PARG: variants seen among roughly 807,000 people sequenced by gnomAD.
The protein encoded by PARG is mitochondrial poly(ADP-ribose) glycohydrolase.
Under a neutral mutation model 113.0 loss-of-function variants are expected in PARG, and 35 were observed. The observed-to-expected ratio is 0.31, with a 90% CI of 0.24 to 0.41. PARG has a LOEUF of 0.41. Ranked by LOEUF, PARG falls within the 10% of genes least tolerant of loss-of-function variation. PARG has a pLI of 1.00. For missense variants in PARG, 797 were observed against 1,169.4 expected (o/e 0.68, Z 4.64); for synonymous variants, 330 against 409.9 (o/e 0.81, Z 2.36).
At chr10:49,914,305 G>A (rs1837348742) in intron 7 of PARG, among the ~76,000 whole-genome samples, 1 of 152,286 alleles carries the variant, frequency 6.6e-6, no homozygotes, top group South Asian at 2.1e-4. Flanking sequence ...TAAGTGACAA[G>A]GATAACGATT....
At chr10:49,868,037 G>C (rs1161176749) in intron 10 of PARG, among the ~76,000 whole-genome samples, 1 of 152,118 alleles carries the variant, frequency 6.6e-6, no homozygotes, top group Non-Finnish European at 1.5e-5. Context: ...GCCCAGGCTA[G>C]AGTGCAGTGG....
intron 13 of PARG, among the ~76,000 whole-genome samples, chr10:49,843,932 G>A (rs1353645645): frequency 6.6e-6 from 1 of 151,684 alleles, no homozygotes; most frequent in African/African-American, 2.4e-5. Context: ...ATTACCTAAA[G>A]TCAGAAGTTC....
At chr10:49,932,919 C>G (rs1453862869) in intron 3 of PARG, among the ~76,000 whole-genome samples, 2 of 151,710 alleles carry the variant, frequency 1.3e-5, no homozygotes, top group Admixed American at 1.3e-4. Flanking sequence ...TTTTCATGTT[C>G]TAGCAATTCC....
chr10:49,822,823 C>T lies in PARG; in HGVS notation c.2648-2530G>A, dbSNP rs746508208. Among the ~76,000 whole-genome samples the T allele has an allele frequency of 4.6e-5, 7 of 152,260 alleles. No individual in the cohort carries two copies. In the East Asian group the frequency reaches 5.8e-4, roughly 13 times the overall value. ...CAGTGTCACTGATGCAGCATTCTGA[C>T]AGAGAATGCATAACCTCAACCTCAT... On this transcript the variant is annotated intron_variant, in intron 16 of 17. Coordinates refer to ENST00000616448, the MANE Select transcript of PARG (RefSeq NM_003631.5).
At chr10:49,906,759 A>C (rs1848611082) in intron 7 of PARG, among the ~76,000 whole-genome samples, 2 of 152,190 alleles carry the variant, frequency 1.3e-5, no homozygotes, top group South Asian at 4.1e-4. Flanking sequence ...AAGATAACCA[A>C]ATAAGATGAT....
chr10:49,834,352 C>G (rs1239684874), intron 15 of PARG, among the ~76,000 whole-genome samples: 4 of 152,168 alleles, frequency 2.6e-5, no homozygotes, highest in African/African-American at 9.6e-5. Context: ...GTTCATTTCT[C>G]TGTTTTATAC....
intron 2 of PARG, 119 bp from the exon 3 acceptor site, chr10:49,934,282 T>C (rs1838636892): frequency 1.6e-6 from 1 of 624,866 alleles, no homozygotes. Context: ...GCACACAGCA[T>C]GTCTTCTATG....
At position 49,838,321 on chromosome 10, in the gene PARG, C is replaced by A. The variant is rs1276944834; in HGVS notation, c.2541+3629G>T. 4.7e-5 allele frequency among the ~76,000 whole-genome samples: 7 copies of A among 150,376 alleles called. No individual in the cohort carries two copies. In the Admixed American group the frequency reaches 4.7e-4, roughly 10 times the overall value. On this transcript the variant is annotated intron_variant, in intron 15 of 17. Coordinates refer to ENST00000616448, the MANE Select transcript of PARG (RefSeq NM_003631.5). ...TGGTGCATGCCTGTAATCCCAGCTA[C>A]TCAGGAGGCTGAGGCAGGAGAATCG... is the stretch of plus-strand genomic sequence containing the variant.
At chr10:49,931,668 G>A (rs1324936532) in intron 4 of PARG, among the ~76,000 whole-genome samples, 2 of 123,806 alleles carry the variant, frequency 1.6e-5, no homozygotes, top group East Asian at 5.5e-4. Flanking sequence ...ACTGATTTGA[G>A]TAATAAGAAA....
intron 13 of PARG, among the ~76,000 whole-genome samples, chr10:49,850,922 C>G (rs1554834126): frequency 1.3e-5 from 2 of 151,672 alleles, no homozygotes; most frequent in African/African-American, 4.8e-5. Flanking sequence ...AAGTGAATGC[C>G]CTTAACTTGT....
chr10:49,859,530 G>A (rs1846155458), intron 12 of PARG, among the ~76,000 whole-genome samples: 1 of 152,178 alleles, frequency 6.6e-6, no homozygotes, highest in South Asian at 2.1e-4. Flanking sequence ...AGAACTAAGA[G>A]ACTGGCTGAG....
intron 6 of PARG, among the ~76,000 whole-genome samples, chr10:49,920,647 T>A (rs1249649388): frequency 4.7e-5 from 7 of 147,468 alleles, no homozygotes; most frequent in African/African-American, 1.5e-4. Context: ...TATACACATA[T>A]ACGTATATAT....
In PARG at chr10:49,940,208, G is replaced by A. The variant is rs1179098319; in HGVS notation, c.217+1301C>T. Among the ~76,000 whole-genome samples, 560 of 150,114 alleles carry A rather than the reference G, an allele frequency of 3.7e-3. 6 individuals are homozygous for A. The highest frequency in any genetic ancestry group is 0.013 in the African/African-American group (540 of 40,694). On this transcript the variant is annotated intron_variant, in intron 1 of 17. Transcript: ENST00000616448. Reference sequence around the variant, plus strand: ...CCCTATTGCCAGCATCCAGGCCTAAGCTACAATTATTTCCAACCTAGATTA... The same window carrying A: ...CCCTATTGCCAGCATCCAGGCCTAAACTACAATTATTTCCAACCTAGATTA...
At chr10:49,895,502 C>T (rs1456751249) in intron 7 of PARG, among the ~76,000 whole-genome samples, 3 of 151,814 alleles carry the variant, frequency 2.0e-5, no homozygotes, top group African/African-American at 7.3e-5. Context: ...CTCCTGGGTT[C>T]AAGCAATTCT....
intron 7 of PARG, among the ~76,000 whole-genome samples, chr10:49,913,760 G>A (rs1449453086): frequency 6.6e-4 from 101 of 152,180 alleles, no homozygotes; most frequent in Non-Finnish European, 1.1e-3. Context: ...AAAATTAGCC[G>A]GGCAACGTGG....
At chr10:49,881,764 A>G (rs1345777456) in intron 8 of PARG, among the ~76,000 whole-genome samples, 1 of 152,262 alleles carries the variant, frequency 6.6e-6, no homozygotes, top group Non-Finnish European at 1.5e-5. Flanking sequence ...TCTCTTGGAA[A>G]AATTCAAAGG....
chr10:49,860,120 T>C (rs1554835682), intron 12 of PARG, among the ~76,000 whole-genome samples: 1 of 152,208 alleles, frequency 6.6e-6, no homozygotes, highest in African/African-American at 2.4e-5. Context: ...CCCGATCTCC[T>C]GCGGAGACAT....
chr10:49,859,162 C>A (rs1196665821), intron 12 of PARG, among the ~76,000 whole-genome samples: 2 of 146,300 alleles, frequency 1.4e-5, no homozygotes, highest in Admixed American at 1.4e-4. Flanking sequence ...AAAAAAAAAA[C>A]AAATGTAAAT....
intron 15 of PARG, among the ~76,000 whole-genome samples, chr10:49,837,186 G>A (rs1342272295): frequency 1.3e-5 from 2 of 152,002 alleles, no homozygotes; most frequent in African/African-American, 2.4e-5. Flanking sequence ...AGCCTGGATG[G>A]AGCAGACCTT....
Sources: gnomAD v4.1 joint callset for allele counts (sites outside exome capture counted in the v4.1 genomes callset) on GRCh38, gnomAD v4.1.1 for gene constraint, MANE v1.5 for transcripts, NCBI Gene and HGNC (gene_info 2026-07-23, HGNC 2026-07-21) for gene names.